Variants in DMXL1 observed in about 807,000 individuals in gnomAD.
DMXL1 encodes the protein dmX-like protein 1.
DMXL1 carries 99 observed loss-of-function variants against 319.2 expected under a neutral mutation model. That is an observed-to-expected ratio of 0.31 (90% CI 0.26 to 0.37). DMXL1 has a LOEUF of 0.37. Among genes scored for constraint, DMXL1 ranks in the 10% least tolerant of loss-of-function variants. DMXL1 has a pLI of 1.00. For synonymous variants in DMXL1, 1,385 were observed against 1,235.2 expected (o/e 1.12, Z -2.54); for missense variants, 3,745 against 3,595.6 (o/e 1.04, Z -1.06).
chr5:119,091,941 T>A (rs140381395), intron 1 of DMXL1, among the ~76,000 whole-genome samples: 1 of 152,330 alleles, frequency 6.6e-6, no homozygotes, highest in East Asian at 1.9e-4. Context: ...AGATATTTCT[T>A]TAGGCACTTG....
At chr5:119,083,274 C>T (rs1458745022) in intron 1 of DMXL1, among the ~76,000 whole-genome samples, 2 of 152,110 alleles carry the variant, frequency 1.3e-5, no homozygotes, top group African/African-American at 2.4e-5. Flanking sequence ...GATCTGCCCA[C>T]CTTGACTTCC....
In DMXL1 at chr5:119,171,955, A is replaced by G. The variant is rs1438237561; in HGVS notation, c.6667A>G (p.Ile2223Val). Residue 2223 changes from isoleucine to valine, a missense_variant, in exon 25 of 44, where the codon ATC becomes GTC. Transcript: ENST00000539542. ...CTTTGATTCACCACCCCACCCTGAT[A>G]TCCAAAGCAATAAAGTAAGTATGCT... is the stretch of plus-strand genomic sequence containing the variant. ...INFDSPPHPD[I>V]QSNKVYVMHT... 4 of 1,611,422 alleles carry G rather than the reference A, an allele frequency of 2.5e-6. No homozygotes were observed. Among genetic ancestry groups the G allele is most frequent in the Non-Finnish European group, 3.4e-6 (4 of 1,178,842 alleles).
At chr5:119,099,730 G>T (rs552365687) in intron 2 of DMXL1, among the ~76,000 whole-genome samples, 1 of 152,262 alleles carries the variant, frequency 6.6e-6, no homozygotes, top group Admixed American at 6.5e-5. Flanking sequence ...GGCCATGTGT[G>T]GTGGCTCATG....
intron 1 of DMXL1, among the ~76,000 whole-genome samples, chr5:119,092,138 C>CT (rs910827467): frequency 1.3e-5 from 2 of 152,064 alleles, no homozygotes; most frequent in Admixed American, 6.6e-5. Context: ...GTCTCTTTGT[C>CT]TTTTTTCATT....
At chr5:119,174,356 C>A (rs997581801) in intron 25 of DMXL1, among the ~76,000 whole-genome samples, 37 of 152,136 alleles carry the variant, frequency 2.4e-4, no homozygotes, top group Non-Finnish European at 2.9e-5. Flanking sequence ...CTTGGTCGAA[C>A]AAGTCAAGCC....
chr5:119,074,940 C>T (rs1370067695), intron 1 of DMXL1, among the ~76,000 whole-genome samples: 3 of 151,982 alleles, frequency 2.0e-5, no homozygotes, highest in African/African-American at 4.8e-5. Flanking sequence ...CTTTTTTTCT[C>T]TTCTGTAAAA....
At chr5:119,132,006 C>T (rs1053291661) in intron 10 of DMXL1, among the ~76,000 whole-genome samples, 3 of 152,272 alleles carry the variant, frequency 2.0e-5, no homozygotes, top group African/African-American at 7.2e-5. Context: ...TAAAAAGAGT[C>T]TTCTTCATTA....
intron 9 of DMXL1, among the ~76,000 whole-genome samples, chr5:119,124,547 G>C (rs1004924903): frequency 6.8e-6 from 1 of 146,512 alleles, no homozygotes; most frequent in South Asian, 2.2e-4. Context: ...TAGTTCCTTT[G>C]ACATTATGGT....
In DMXL1 at chr5:119,116,328, T is replaced by C. The variant is rs1317864330; in HGVS notation, c.735T>C (p.Tyr245=). The C allele has an allele frequency of 2.5e-6, 4 of 1,613,830 alleles. No individual in the cohort carries two copies. Among genetic ancestry groups the C allele is most frequent in the African/African-American group, 2.7e-5 (2 of 74,930 alleles). Residue 245 remains tyrosine, a synonymous_variant, in exon 7 of 44, where the codon TAT becomes TAC. Coordinates refer to ENST00000539542, the MANE Select transcript of DMXL1 (RefSeq NM_001290321.3). The part of the protein sequence containing the change: ...NGFSWRKTSK[Y]MPRASVCNVL... ...TTTCCTGGCGTAAAACAAGCAAATA[T>C]ATGCCTAGGTCAGTGGATTGGTCAT...
chr5:119,202,163 G>A (rs922969839), intron 32 of DMXL1, among the ~76,000 whole-genome samples: 4 of 152,064 alleles, frequency 2.6e-5, no homozygotes, highest in African/African-American at 9.7e-5. Flanking sequence ...ATGATGTTAG[G>A]TTGTTAATTT....
chr5:119,105,436 A>C (rs1758122476), intron 4 of DMXL1, among the ~76,000 whole-genome samples, 178 bp downstream of exon 4: 1 of 152,224 alleles, frequency 6.6e-6, no homozygotes, highest in Admixed American at 6.5e-5. Flanking sequence ...ATGCACTGTA[A>C]GAAATGAGAG....
chr5:119,159,472 T>A (rs1466843404), intron 19 of DMXL1, among the ~76,000 whole-genome samples: 2 of 152,274 alleles, frequency 1.3e-5, no homozygotes, highest in Non-Finnish European at 2.9e-5. Context: ...TTTTTCATAT[T>A]TCAGTTCTGG....
intron 32 of DMXL1, among the ~76,000 whole-genome samples, chr5:119,202,891 A>ATATATATATATATATATT (rs1781048094): frequency 7.1e-6 from 1 of 139,960 alleles, no homozygotes; most frequent in African/African-American, 2.8e-5. Flanking sequence ...ATTTTTATAT[A>ATATATATATATATATATT]TATATATATA....
At chr5:119,213,166 T>C (rs1283669151) in intron 34 of DMXL1, among the ~76,000 whole-genome samples, 1 of 152,200 alleles carries the variant, frequency 6.6e-6, no homozygotes, top group Non-Finnish European at 1.5e-5. Context: ...TTTCATACTT[T>C]TTCCTTGTTT....
At chr5:119,094,200 A>G (rs541385546) in intron 1 of DMXL1, among the ~76,000 whole-genome samples, 7 of 152,248 alleles carry the variant, frequency 4.6e-5, no homozygotes, top group African/African-American at 1.7e-4. Context: ...GGAGAGGTCA[A>G]TGCCTGGCTT....
intron 3 of DMXL1, among the ~76,000 whole-genome samples, chr5:119,102,429 C>T (rs914026932): frequency 6.6e-6 from 1 of 152,150 alleles, no homozygotes; most frequent in African/African-American, 2.4e-5. Context: ...CAGTCGTTAA[C>T]AGGTCAATGA....
rs1305070003 is a variant in DMXL1, at chr5:119,149,703, A to C, written c.3876A>C (p.Lys1292Asn). Residue 1292 changes from lysine to asparagine, a missense_variant, in exon 18 of 44, where the codon AAA (lysine) becomes AAC (asparagine). Physicochemically the swap from Lys to Asn is moderately conservative, Grantham distance 94. Transcript: ENST00000539542. ...GATCCATGACCAGTCTTGCACAGAA[A>C]ATCTGTGGAAAGAAAACTGCATTCG... is the stretch of plus-strand genomic sequence containing the variant. ...LTRSMTSLAQ[K>N]ICGKKTAFDP... The C allele has an allele frequency of 6.2e-7, 1 of 1,613,992 alleles. No homozygotes were observed. Among genetic ancestry groups the C allele is most frequent in the South Asian group, 1.1e-5 (1 of 91,076 alleles).
At chr5:119,147,219 A>G (rs753851119) in intron 16 of DMXL1, 30 bp from the exon 17 acceptor site, 2 of 1,578,260 alleles carry the variant, frequency 1.3e-6, no homozygotes, top group Non-Finnish European at 1.7e-6. Context: ...CCCCTGCCTC[A>G]GTTTTTGGTT....
rs1027321659 is a variant in DMXL1 at position 119,244,584 on chromosome 5, C to A, written c.8922+8C>A. The A allele has an allele frequency of 6.2e-7, 1 of 1,600,076 alleles. No homozygotes were observed. The highest frequency in any genetic ancestry group is 1.1e-5 in the South Asian group (1 of 90,578). On this transcript the variant is annotated splice_region_variant and intron_variant, in intron 43 of 43. Transcript: ENST00000539542. ...GCCGAAGGCAATATAAAGGTAAACA[C>A]AGTTGATGCCACAACATCTACAAAA...
Sources: gnomAD v4.1 joint callset for allele counts (sites outside exome capture counted in the v4.1 genomes callset) on GRCh38, gnomAD v4.1.1 for gene constraint, MANE v1.5 for transcripts, NCBI Gene and HGNC (gene_info 2026-07-23, HGNC 2026-07-21) for gene names.